Variants in JAML observed in about 807,000 individuals in gnomAD.
The protein encoded by JAML is junctional adhesion molecule-like.
Under a neutral mutation model 39.3 loss-of-function variants are expected in JAML, and 25 were observed. That is an observed-to-expected ratio of 0.64 (90% CI 0.46 to 0.89). The LOEUF is 0.89. JAML is among the 40% of genes least tolerant of loss of function. The probability of loss-of-function intolerance (pLI) is 0.00; values close to 1 mark genes in which losing one functional copy is unlikely to be tolerated. For synonymous variants in JAML, 162 were observed against 179.2 expected (o/e 0.90, Z 0.77); for missense variants, 440 against 486.9 (o/e 0.90, Z 0.91).
At chr11:118,224,669 G>A (rs975404744) in intron 1 of JAML, among the ~76,000 whole-genome samples, 2 of 152,182 alleles carry the variant, frequency 1.3e-5, no homozygotes, top group Middle Eastern at 3.2e-3. Context: ...AAAAGCTGAA[G>A]CCTTGTCATA....
Position 118,194,250 on chromosome 11 carries a change from A to T in JAML, c.*75T>A. On this transcript the variant is annotated 3_prime_UTR_variant, in exon 10 of 10. Transcript: ENST00000356289. ...GCTGGGAGAGCGGGAGTCTGAAATC[A>T]CTGGTAGAGTGGCCCAGGACACACA... 1 of 1,302,340 alleles carries T rather than the reference A, an allele frequency of 7.7e-7. No individual in the cohort carries two copies. The highest frequency in any genetic ancestry group is 2.3e-5 in the East Asian group (1 of 43,236). 80.7% of individuals were successfully genotyped at this position (1,302,340 alleles called of 1,614,324 possible).
At chr11:118,216,867 C>A (rs964512964) in intron 1 of JAML, among the ~76,000 whole-genome samples, 1 of 152,186 alleles carries the variant, frequency 6.6e-6, no homozygotes, top group South Asian at 2.1e-4. Context: ...TCAACATAAG[C>A]AAAACCCCAT....
intron 6 of JAML, 159 bp downstream of exon 6, chr11:118,203,269 G>T: frequency 1.3e-6 from 1 of 767,352 alleles, no homozygotes; most frequent in Non-Finnish European, 2.3e-6. Flanking sequence ...CACCTCTAAG[G>T]AGGCATCATT....
intron 4 of JAML, among the ~76,000 whole-genome samples, chr11:118,206,999 C>T (rs1274937983): frequency 2.0e-5 from 3 of 152,072 alleles, no homozygotes; most frequent in African/African-American, 4.8e-5. Context: ...CATAAGCCAC[C>T]CTTTCATCCA....
Position 118,194,236 on chromosome 11 carries a change from G to A in JAML, c.*89C>T, listed in dbSNP as rs367612534. ...GAGACAGGAGGACAGCTGGGAGAGC[G>A]GGAGTCTGAAATCACTGGTAGAGTG... On this transcript the variant is annotated 3_prime_UTR_variant, in exon 10 of 10. Transcript: ENST00000356289. 115 of 1,118,246 alleles carry A rather than the reference G, an allele frequency of 1.0e-4. 1 individual carries two copies. Among genetic ancestry groups the A allele is most frequent in the South Asian group, 7.7e-4 (61 of 79,366 alleles). 69.3% of individuals were successfully genotyped at this position (1,118,246 alleles called of 1,614,324 possible).
intron 7 of JAML, among the ~76,000 whole-genome samples, chr11:118,198,371 T>A (rs1326535612): frequency 1.3e-5 from 2 of 152,096 alleles, no homozygotes; most frequent in Non-Finnish European, 2.9e-5. Context: ...ATGGGAGAGG[T>A]AATTTTAAGT....
At chr11:118,197,868 G>A (rs1192648922) in intron 8 of JAML, 130 bp downstream of exon 8, 1 of 818,208 alleles carries the variant, frequency 1.2e-6, no homozygotes, top group East Asian at 2.5e-5. Context: ...AAGGCTTCCT[G>A]AGTCCCTGCT....
At chr11:118,203,038 G>A (rs542747046) in intron 6 of JAML, 26 of 462,492 alleles carry the variant, frequency 5.6e-5, no homozygotes, top group African/African-American at 3.6e-4. Flanking sequence ...ATCATTTCCC[G>A]CTCCACTCTA....
chr11:118,213,265 G>A, intron 2 of JAML: 1 of 1,162,316 alleles, frequency 8.6e-7, no homozygotes. Flanking sequence ...GGATATTTCT[G>A]TTTTCACAAG....
intron 1 of JAML, among the ~76,000 whole-genome samples, chr11:118,218,216 C>T (rs1200941029): frequency 6.6e-6 from 1 of 152,174 alleles, no homozygotes; most frequent in Non-Finnish European, 1.5e-5. Flanking sequence ...GCCTCGGCCT[C>T]CTGAGTAGCT....
In JAML at chr11:118,214,807, C is replaced by T. The variant is rs1359940568; in HGVS notation, c.43+17G>A. 6.2e-7 allele frequency: 1 copy of T among 1,613,130 alleles called. No homozygotes were observed. Among genetic ancestry groups the T allele is most frequent in the African/African-American group, 1.3e-5 (1 of 74,998 alleles). On this transcript the variant is annotated intron_variant, in intron 2 of 9. Coordinates refer to ENST00000356289, the MANE Select transcript of JAML (RefSeq NM_001098526.2). ...GAGAAATCAAATACCCCACGGAGTCCCTTAGCTTCTACTTACCCAGTAACA... is the reference window on the plus strand; with the variant it reads ...GAGAAATCAAATACCCCACGGAGTCTCTTAGCTTCTACTTACCCAGTAACA...
At position 118,210,641 on chromosome 11, in the gene JAML, C is replaced by G. The variant is rs1236629115; in HGVS notation, c.270G>C (p.Leu90Phe). ...CATCATTGCATAAGATGTCCCCCAT[C>G]AAGTGTACGCGGTTCTGGAAGCGCC... ...PIGRFQNRVH[L>F]MGDILCNDGS... The change falls in exon 4 of 10, where the codon TTG becomes TTC. Residue 90 changes from leucine (L) to phenylalanine (F), a missense_variant. Physicochemically the swap from Leu to Phe is conservative, Grantham distance 22. Coordinates refer to ENST00000356289, the MANE Select transcript of JAML (RefSeq NM_001098526.2). The G allele has an allele frequency of 6.2e-7, 1 of 1,614,192 alleles. No homozygotes were observed. Among genetic ancestry groups the G allele is most frequent in the Non-Finnish European group, 8.5e-7 (1 of 1,180,022 alleles).
chr11:118,212,609 C>A, intron 2 of JAML, 48 bp from the exon 3 acceptor site: 1 of 1,598,402 alleles, frequency 6.3e-7, no homozygotes. Context: ...CAAATACTCT[C>A]AACAACAAAA....
At chr11:118,205,255 A>T (rs1948892790) in intron 5 of JAML, 1 of 152,346 alleles carries the variant, frequency 6.6e-6, no homozygotes, top group South Asian at 2.1e-4. Context: ...GTTACTTGGG[A>T]TATCCCCACA....
chr11:118,215,490 C>T (rs889376623), intron 1 of JAML, among the ~76,000 whole-genome samples: 10 of 151,646 alleles, frequency 6.6e-5, no homozygotes, highest in African/African-American at 2.4e-4. Context: ...GCCGAGACTA[C>T]AGGCATGCTA....
At chr11:118,208,160 G>A (rs1718632613) in intron 4 of JAML, among the ~76,000 whole-genome samples, 1 of 152,018 alleles carries the variant, frequency 6.6e-6, no homozygotes, top group African/African-American at 2.4e-5. Context: ...GAGCCCAGGA[G>A]TTCAAGGCTA....
At chr11:118,194,931 G>A (rs1270838167) in intron 9 of JAML, among the ~76,000 whole-genome samples, 2 of 152,324 alleles carry the variant, frequency 1.3e-5, no homozygotes, top group African/African-American at 2.4e-5. Context: ...ACTGGCCCCT[G>A]CCAGCCTTTG....
Position 118,198,370 on chromosome 11 carries a change from G to A in JAML, c.912-279C>T, listed in dbSNP as rs11216810. The stretch of plus-strand genomic sequence containing the variant: ...GCCACTTTCAGTCCGTATGGGAGAG[G>A]TAATTTTAAGTGAATGAAGAGAGAG... On this transcript the variant is annotated intron_variant, in intron 7 of 9. Coordinates refer to ENST00000356289, the MANE Select transcript of JAML (RefSeq NM_001098526.2). 7.9e-5 allele frequency among the ~76,000 whole-genome samples: 12 copies of A among 152,274 alleles called. 1 individual carries two copies. The East Asian group carries it at 2.3e-3, about 29-fold the overall frequency.
In JAML at chr11:118,193,999, A is replaced by G. The variant is rs1221893276; in HGVS notation, c.*326T>C. On this transcript the variant is annotated 3_prime_UTR_variant, in exon 10 of 10. Coordinates refer to ENST00000356289, the MANE Select transcript of JAML (RefSeq NM_001098526.2). ...TTGGTTTTTATCTCTGATTCTTCCC[A>G]GTAACTCATCCACTAAGAACCCTGC... 2.3e-5 allele frequency: 6 copies of G among 255,484 alleles called. No homozygotes were observed. The highest frequency in any genetic ancestry group is 1.1e-4 in the African/African-American group (5 of 46,206). The allele number at this position is 255,484 out of a possible 1,614,324, so 15.8% of individuals were successfully genotyped here.
Sources: gnomAD v4.1 joint callset for allele counts (sites outside exome capture counted in the v4.1 genomes callset) on GRCh38, gnomAD v4.1.1 for gene constraint, MANE v1.5 for transcripts, NCBI Gene and HGNC (gene_info 2026-07-23, HGNC 2026-07-21) for gene names.